Variants in CHLSN observed in about 807,000 individuals in gnomAD.
The protein encoded by CHLSN is protein cholesin.
chr7:991,169 A>G, the CHLSN span, among the ~76,000 whole-genome samples: 1 of 152,126 alleles, frequency 6.6e-6, no homozygotes, highest in Non-Finnish European at 1.5e-5. Context: ...ATGGAGGCCC[A>G]GCCGACATGA....
the CHLSN span, chr7:1,028,515 C>T: frequency 2.0e-6 from 2 of 985,206 alleles, no homozygotes; most frequent in Non-Finnish European, 2.4e-6. Context: ...GTGGACCCTG[C>T]TGCAGCCCCC....
the CHLSN span, among the ~76,000 whole-genome samples, chr7:1,122,297 T>C: frequency 6.6e-6 from 1 of 152,240 alleles, no homozygotes; most frequent in African/African-American, 2.4e-5. Context: ...AGGGGGGTTC[T>C]GCTGACATGC....
the CHLSN span, among the ~76,000 whole-genome samples, chr7:1,016,852 G>T: frequency 1.1e-5 from 1 of 89,878 alleles, no homozygotes; most frequent in Non-Finnish European, 2.3e-5. Flanking sequence ...CCAGCACACA[G>T]CAGCACACAG....
the CHLSN span, among the ~76,000 whole-genome samples, chr7:1,001,420 G>A: frequency 1.4e-5 from 2 of 144,770 alleles, no homozygotes; most frequent in African/African-American, 2.6e-5. Context: ...GGTGAGTGGA[G>A]TCCTGTGGGT....
the CHLSN span, among the ~76,000 whole-genome samples, chr7:1,099,173 C>T: frequency 1.8e-4 from 18 of 99,052 alleles, no homozygotes; most frequent in Non-Finnish European, 3.5e-4. Context: ...TTCCTGCAGC[C>T]GGCCTCCCCT....
chr7:1,046,339 C>A, the CHLSN span, among the ~76,000 whole-genome samples: 1 of 152,188 alleles, frequency 6.6e-6, no homozygotes, highest in Admixed American at 6.5e-5. Context: ...ACCCGGCCGA[C>A]CGTGTCATGC....
the CHLSN span, among the ~76,000 whole-genome samples, chr7:1,002,744 T>G: frequency 2.9e-5 from 2 of 68,372 alleles, no homozygotes; most frequent in African/African-American, 7.2e-5. Context: ...ATCCTGTGGG[T>G]GGGGAGTCCT....
chr7:1,084,577 C>G, the CHLSN span, among the ~76,000 whole-genome samples: 1 of 152,188 alleles, frequency 6.6e-6, no homozygotes, highest in Non-Finnish European at 1.5e-5. Context: ...GCAGTGCCGC[C>G]CCACCCTTGC....
chr7:983,230 C>T, the CHLSN span: 12 of 1,524,272 alleles, frequency 7.9e-6, no homozygotes, highest in East Asian at 7.5e-5. Context: ...GCTGCTCTTG[C>T]TGTTCCTGGG....
At chr7:1,019,059 G>T in the CHLSN span, among the ~76,000 whole-genome samples, 1 of 152,130 alleles carries the variant, frequency 6.6e-6, no homozygotes, top group South Asian at 2.1e-4. Flanking sequence ...GCCGGGCATG[G>T]TGGTGCACGT....
chr7:1,015,911 G>A, the CHLSN span, among the ~76,000 whole-genome samples: 1 of 152,200 alleles, frequency 6.6e-6, no homozygotes, highest in African/African-American at 2.4e-5. Context: ...TGACACTGAT[G>A]TCACCTGACC....
At chr7:1,095,086 C>T in the CHLSN span, among the ~76,000 whole-genome samples, 1 of 152,146 alleles carries the variant, frequency 6.6e-6, no homozygotes, top group African/African-American at 2.4e-5. Context: ...AGCCACGACT[C>T]AGGCCCGGCG....
the CHLSN span, among the ~76,000 whole-genome samples, chr7:1,063,801 C>T: frequency 6.6e-6 from 1 of 152,334 alleles, no homozygotes; most frequent in South Asian, 2.1e-4. Flanking sequence ...TAAGGTCCTT[C>T]CTGGTTTGAT....
At chr7:1,042,727 G>A in the CHLSN span, among the ~76,000 whole-genome samples, 1 of 152,154 alleles carries the variant, frequency 6.6e-6, no homozygotes, top group Non-Finnish European at 1.5e-5. Context: ...AGGACCCACA[G>A]AGCCTGGCAT....
the CHLSN span, among the ~76,000 whole-genome samples, chr7:1,009,183 G>C: frequency 6.6e-6 from 1 of 152,180 alleles, no homozygotes; most frequent in Non-Finnish European, 1.5e-5. Context: ...GGTGCGGCTG[G>C]AGCCTGTCCT....
the CHLSN span, among the ~76,000 whole-genome samples, chr7:1,080,658 C>T: frequency 1.3e-5 from 2 of 152,240 alleles, no homozygotes; most frequent in African/African-American, 2.4e-5. Flanking sequence ...TTTTACTGCA[C>T]ACAAATTCTC....
At chr7:1,033,686 C>T in the CHLSN span, among the ~76,000 whole-genome samples, 2 of 152,118 alleles carry the variant, frequency 1.3e-5, no homozygotes. Context: ...TGGTAAACAC[C>T]CAGGAAATCG....
the CHLSN span, among the ~76,000 whole-genome samples, chr7:1,072,421 C>A: frequency 6.6e-6 from 1 of 152,242 alleles, no homozygotes; most frequent in Admixed American, 6.5e-5. Flanking sequence ...ACGACTGCTC[C>A]TCGGATTTCC....
the CHLSN span, among the ~76,000 whole-genome samples, chr7:1,027,309 C>T: frequency 7.9e-5 from 12 of 152,376 alleles, no homozygotes; most frequent in East Asian, 1.5e-3. Flanking sequence ...TCACCATTCC[C>T]GCCGTCTCTG....
Sources: gnomAD v4.1 joint callset for allele counts (sites outside exome capture counted in the v4.1 genomes callset) on GRCh38, gnomAD v4.1.1 for gene constraint, MANE v1.5 for transcripts, NCBI Gene and HGNC (gene_info 2026-07-23, HGNC 2026-07-21) for gene names.